The following JAZF1 variants were observed in gnomAD, a reference collection of about 807,000 sequenced individuals.
JAZF1 encodes juxtaposed with another zinc finger protein 1.
JAZF1 carries 8 observed loss-of-function variants against 26.4 expected under a neutral mutation model. The ratio of observed to expected loss-of-function variants is 0.30; its 90% CI spans 0.18 to 0.55. JAZF1 has a LOEUF of 0.55. JAZF1 is among the 20% of genes least tolerant of loss of function. JAZF1 has a pLI of 0.94. For synonymous variants in JAZF1, 126 were observed against 122.3 expected (o/e 1.03, Z -0.20); for missense variants, 199 against 322.0 (o/e 0.62, Z 2.92).
At chr7:28,070,293 G>A (rs1439578034) in intron 1 of JAZF1, among the ~76,000 whole-genome samples, 5 of 152,234 alleles carry the variant, frequency 3.3e-5, no homozygotes, top group South Asian at 2.1e-4. Context: ...CATACCTCAC[G>A]AAAGTGATCT....
At chr7:28,037,148 G>C (rs1160913353) in intron 1 of JAZF1, among the ~76,000 whole-genome samples, 1 of 152,042 alleles carries the variant, frequency 6.6e-6, no homozygotes, top group East Asian at 1.9e-4. Context: ...TATGATGTAG[G>C]AAAAGAAAAA....
intron 1 of JAZF1, 53 bp from the exon 2 acceptor site, chr7:27,992,034 G>A (rs747349596): frequency 2.8e-5 from 29 of 1,036,050 alleles, no homozygotes; most frequent in Non-Finnish European, 4.3e-5. Context: ...CAGAATATAT[G>A]AGGCTACCTA....
chr7:28,150,136 G>A (rs1190309018), intron 1 of JAZF1, among the ~76,000 whole-genome samples: 1 of 152,224 alleles, frequency 6.6e-6, no homozygotes, highest in Non-Finnish European at 1.5e-5. Flanking sequence ...AAGGAGGACA[G>A]GATCATCTTG....
chr7:28,146,700 T>A (rs1416228858), intron 1 of JAZF1, among the ~76,000 whole-genome samples: 2 of 152,168 alleles, frequency 1.3e-5, no homozygotes, highest in Admixed American at 6.5e-5. Flanking sequence ...AAATAGAAGT[T>A]CTGATCTTCT....
chr7:28,112,893 T>A (rs574071989), intron 1 of JAZF1, among the ~76,000 whole-genome samples: 12 of 152,338 alleles, frequency 7.9e-5, no homozygotes, highest in Non-Finnish European at 1.3e-4. Flanking sequence ...TTAAAAATGA[T>A]GATTCTGTAT....
At chr7:28,108,034 C>T (rs551078563) in intron 1 of JAZF1, among the ~76,000 whole-genome samples, 7 of 152,294 alleles carry the variant, frequency 4.6e-5, no homozygotes, top group Non-Finnish European at 1.0e-4. Flanking sequence ...ACTGATCAGA[C>T]CTGGGGGGTG....
intron 1 of JAZF1, among the ~76,000 whole-genome samples, chr7:28,156,028 A>AT (rs1299362187): frequency 7.2e-5 from 11 of 152,234 alleles, no homozygotes; most frequent in African/African-American, 2.7e-4. Context: ...TACACCCTTG[A>AT]TAGATACCTT....
intron 4 of JAZF1, among the ~76,000 whole-genome samples, chr7:27,836,227 CTT>C (rs919140098): frequency 2.0e-5 from 3 of 152,130 alleles, no homozygotes; most frequent in Admixed American, 6.5e-5. Context: ...AGAAAACTGT[CTT>C]TGAGTTTTCT....
chr7:28,082,979 T>C (rs1784159447), intron 1 of JAZF1, among the ~76,000 whole-genome samples: 1 of 152,212 alleles, frequency 6.6e-6, no homozygotes, highest in Admixed American at 6.6e-5. Flanking sequence ...CTTCCAGAGC[T>C]GACCACCACT....
chr7:28,028,998 T>C (rs1386427133), intron 1 of JAZF1, among the ~76,000 whole-genome samples: 9 of 151,944 alleles, frequency 5.9e-5, no homozygotes, highest in Non-Finnish European at 1.0e-4. Flanking sequence ...GAGAAAAAAT[T>C]ATTTTGCAGA....
chr7:27,831,419 C>A lies in JAZF1; in HGVS notation c.*1381G>T, dbSNP rs1480087438. ...AAGCATTTTTTATTGCATTATTAGG[C>A]AACTGGTAAACTCTCGTGTTTAAGG... is the stretch of plus-strand genomic sequence containing the variant. On this transcript the variant is annotated 3_prime_UTR_variant, in exon 5 of 5. Coordinates refer to ENST00000283928, the MANE Select transcript of JAZF1 (RefSeq NM_175061.4). 4.4e-6 allele frequency: 1 copy of A among 228,214 alleles called. No homozygotes were observed. Among genetic ancestry groups the A allele is most frequent in the East Asian group, 6.3e-5 (1 of 15,916 alleles). The allele number at this position is 228,214 out of a possible 1,614,324, so 14.1% of individuals were successfully genotyped here. A position where few individuals can be genotyped will look rare whatever the true frequency, so the allele number is the denominator to read the frequency against.
intron 3 of JAZF1, among the ~76,000 whole-genome samples, chr7:27,869,793 T>G (rs1382989113): frequency 6.6e-6 from 1 of 152,220 alleles, no homozygotes; most frequent in African/African-American, 2.4e-5. Context: ...GGTTAGGAAA[T>G]GGTATTTCTA....
At chr7:27,914,402 G>A (rs765727579) in intron 2 of JAZF1, among the ~76,000 whole-genome samples, 14 of 152,178 alleles carry the variant, frequency 9.2e-5, no homozygotes, top group Non-Finnish European at 1.9e-4. Flanking sequence ...GAGGCCCGAA[G>A]CAGAAGACCA....
At chr7:27,899,849 G>T (rs147670334) in intron 2 of JAZF1, among the ~76,000 whole-genome samples, 90 of 152,272 alleles carry the variant, frequency 5.9e-4, no homozygotes, top group Middle Eastern at 3.4e-3. Flanking sequence ...TAGGATAGTG[G>T]CAGAGCTGGC....
At chr7:27,896,647 T>A (rs1297541518) in intron 2 of JAZF1, among the ~76,000 whole-genome samples, 1 of 152,212 alleles carries the variant, frequency 6.6e-6, no homozygotes, top group Non-Finnish European at 1.5e-5. Flanking sequence ...CACTACACAA[T>A]GAAGTTTTGG....
chr7:28,136,979 G>A (rs924674504), intron 1 of JAZF1, among the ~76,000 whole-genome samples: 1 of 152,206 alleles, frequency 6.6e-6, no homozygotes, highest in Non-Finnish European at 1.5e-5. Flanking sequence ...AATGGCCAAT[G>A]CTGAATGCTT....
At chr7:28,054,855 T>C (rs1407946635) in intron 1 of JAZF1, among the ~76,000 whole-genome samples, 1 of 151,970 alleles carries the variant, frequency 6.6e-6, no homozygotes, top group Non-Finnish European at 1.5e-5. Context: ...CGGCTGGCGC[T>C]AGGTAGGATT....
intron 1 of JAZF1, among the ~76,000 whole-genome samples, chr7:28,037,797 C>T (rs1338019213): frequency 6.6e-6 from 1 of 152,132 alleles, no homozygotes; most frequent in East Asian, 1.9e-4. Flanking sequence ...GAATTCCAGA[C>T]ACCCAGGACA....
Position 28,107,015 on chromosome 7 carries a change from C to A in JAZF1, c.115+73448G>T, listed in dbSNP as rs76169911. Among the ~76,000 whole-genome samples, 51 of 152,258 alleles carry A rather than the reference C, an allele frequency of 3.3e-4. No individual in the cohort carries two copies. In the East Asian group the frequency reaches 8.7e-3, roughly 26 times the overall value. On this transcript the variant is annotated intron_variant, in intron 1 of 4. Transcript: ENST00000283928. The stretch of plus-strand genomic sequence containing the variant: ...AAATTATGTAAATTATACCTCGGTT[C>A]TTTATTTCTGGAAGAGGGAACAAAG...
Sources: gnomAD v4.1 joint callset for allele counts (sites outside exome capture counted in the v4.1 genomes callset) on GRCh38, gnomAD v4.1.1 for gene constraint, MANE v1.5 for transcripts, NCBI Gene and HGNC (gene_info 2026-07-23, HGNC 2026-07-21) for gene names.